The following AP3S2 variants were observed in gnomAD, a reference collection of about 807,000 sequenced individuals.
AP3S2 encodes adaptor related protein complex 3 subunit sigma 2.
Under a neutral mutation model 23.4 loss-of-function variants are expected in AP3S2, and 22 were observed. The observed-to-expected ratio is 0.94, with a 90% CI of 0.67 to 1.34. The LOEUF is 1.34. AP3S2 is among the 40% of genes most tolerant of loss of function. The probability of loss-of-function intolerance (pLI) is 0.00; values close to 1 mark genes in which losing one functional copy is unlikely to be tolerated. For synonymous variants in AP3S2, 86 were observed against 87.1 expected (o/e 0.99, Z 0.07); for missense variants, 241 against 236.9 (o/e 1.02, Z -0.11).
chr15:89,864,394 C>T (rs530840014), intron 4 of AP3S2, among the ~76,000 whole-genome samples: 1 of 152,230 alleles, frequency 6.6e-6, no homozygotes, highest in African/African-American at 2.4e-5. Context: ...GATTAAAAAT[C>T]CTTAGTAGGA....
intron 1 of AP3S2, 196 bp downstream of exon 1, chr15:89,893,685 G>C: frequency 1.8e-6 from 1 of 562,270 alleles, no homozygotes; most frequent in Non-Finnish European, 3.1e-6. Context: ...CAGCGAGAGC[G>C]GGGCAGTAGG....
At chr15:89,842,850 A>T (rs1895363934) in intron 4 of AP3S2, among the ~76,000 whole-genome samples, 1 of 152,172 alleles carries the variant, frequency 6.6e-6, no homozygotes, top group Non-Finnish European at 1.5e-5. Flanking sequence ...TGACCTTGTG[A>T]TCCGCCCACC....
chr15:89,888,565 C>G lies in AP3S2; in HGVS notation c.229G>C (p.Val77Leu). 6.2e-7 allele frequency: 1 copy of G among 1,614,170 alleles called. No homozygotes were observed. The highest frequency in any genetic ancestry group is 1.3e-5 in the African/African-American group (1 of 75,044). ...CCAAGTTCACTCTCTGAGGAATCCA[C>G]ACAAAATACAAAGTAGAGGGTAGCA... is the stretch of plus-strand genomic sequence containing the variant. The part of the protein sequence containing the change: ...HYATLYFVFC[V>L]DSSESELGIL... The change falls in exon 3 of 6, where the codon GTG becomes CTG. Residue 77 changes from valine to leucine, a missense_variant. By Grantham distance (32) the Val-to-Leu change is conservative (BLOSUM62 1). Coordinates refer to ENST00000336418, the MANE Select transcript of AP3S2 (RefSeq NM_005829.5).
chr15:89,844,909 C>A (rs911694080), intron 4 of AP3S2, among the ~76,000 whole-genome samples: 2 of 151,702 alleles, frequency 1.3e-5, no homozygotes, highest in Non-Finnish European at 2.9e-5. Context: ...GAGTAATTTT[C>A]TTTTCTTTTT....
intron 3 of AP3S2, 24 bp downstream of exon 3, chr15:89,888,497 C>T (rs1596224107): frequency 1.2e-6 from 2 of 1,607,158 alleles, no homozygotes; most frequent in African/African-American, 2.7e-5. Flanking sequence ...AAAGCTGCTG[C>T]CATCATTAGC....
chr15:89,844,380 C>G (rs2141842317), intron 4 of AP3S2, among the ~76,000 whole-genome samples: 1 of 151,622 alleles, frequency 6.6e-6, no homozygotes, highest in East Asian at 1.9e-4. Flanking sequence ...CTCTGTCACC[C>G]AGGCTGGAGT....
chr15:89,860,060 C>A (rs147537290), intron 4 of AP3S2, among the ~76,000 whole-genome samples: 1 of 152,162 alleles, frequency 6.6e-6, no homozygotes, highest in Non-Finnish European at 1.5e-5. Flanking sequence ...CCATCATGAC[C>A]AGCCGATCTC....
At chr15:89,845,944 T>C (rs1567174389) in intron 4 of AP3S2, among the ~76,000 whole-genome samples, 1 of 152,210 alleles carries the variant, frequency 6.6e-6, no homozygotes. Flanking sequence ...CTACTGATTT[T>C]TCAGTACTTG....
At chr15:89,839,790 C>T (rs1474704544) in intron 4 of AP3S2, among the ~76,000 whole-genome samples, 1 of 151,252 alleles carries the variant, frequency 6.6e-6, no homozygotes, top group African/African-American at 2.4e-5. Flanking sequence ...ACTGGATCAA[C>T]AAAATGTGCC....
At chr15:89,882,273 A>G (rs111319432) in intron 3 of AP3S2, among the ~76,000 whole-genome samples, 2 of 149,854 alleles carry the variant, frequency 1.3e-5, no homozygotes, top group East Asian at 1.9e-4. Context: ...TAAAAAAAGA[A>G]ACAAAGTATC....
intron 3 of AP3S2, among the ~76,000 whole-genome samples, chr15:89,875,340 A>G (rs751995319): frequency 7.2e-5 from 11 of 152,252 alleles, no homozygotes; most frequent in Non-Finnish European, 1.2e-4. Flanking sequence ...CCAGAAAAAG[A>G]CATCCCCAGA....
rs1243599096 is a variant in AP3S2, at chr15:89,837,724, T to A, written c.346-2A>T. 10 of 1,613,780 alleles carry A rather than the reference T, an allele frequency of 6.2e-6. No individual in the cohort carries two copies. Among genetic ancestry groups the A allele is most frequent in the Non-Finnish European group, 8.5e-6 (10 of 1,179,912 alleles). ...CACCTCCTGGAGGATGTAGTGCACC[T>A]AAAAGGGAAGCAAAAATCAGGAGTC... On this transcript the variant is annotated splice_acceptor_variant, in intron 4 of 5. Coordinates refer to ENST00000336418, the MANE Select transcript of AP3S2 (RefSeq NM_005829.5). LOFTEE classifies it high-confidence loss of function.
chr15:89,864,104 A>G (rs1278650231), intron 4 of AP3S2, among the ~76,000 whole-genome samples: 1 of 152,230 alleles, frequency 6.6e-6, no homozygotes, highest in Non-Finnish European at 1.5e-5. Context: ...ACAAAAATAC[A>G]TAGTTTCATA....
In AP3S2 at chr15:89,835,633, G is replaced by T; in HGVS notation, c.464C>A (p.Ser155Ter). ...NRLEKSEGGL[S>*]AAPARAVSAV... ...AGACACAGCCCGCGCAGGGGCTGCT[G>T]AAAGGCCACCCTAAGAAGAAATGAG... The change falls in exon 6 of 6, where the codon TCA becomes TAA. Residue 155 changes from serine to a stop codon, truncating the protein, a stop_gained. Transcript: ENST00000336418. LOFTEE classifies it high-confidence loss of function. 6.3e-7 allele frequency: 1 copy of T among 1,586,396 alleles called. No homozygotes were observed. Among genetic ancestry groups the T allele is most frequent in the South Asian group, 1.1e-5 (1 of 90,382 alleles).
chr15:89,880,188 A>G (rs557667842), intron 3 of AP3S2, among the ~76,000 whole-genome samples: 14 of 152,308 alleles, frequency 9.2e-5, no homozygotes, highest in African/African-American at 3.1e-4. Flanking sequence ...TAAGATTCAA[A>G]AGAAGAAATG....
chr15:89,849,651 G>C (rs143265035), intron 4 of AP3S2, among the ~76,000 whole-genome samples: 1 of 152,082 alleles, frequency 6.6e-6, no homozygotes, highest in East Asian at 1.9e-4. Flanking sequence ...ACAGGCATGA[G>C]CCACTGCGCC....
intron 3 of AP3S2, among the ~76,000 whole-genome samples, chr15:89,882,408 G>A (rs570259079): frequency 2.7e-5 from 4 of 150,638 alleles, no homozygotes; most frequent in Admixed American, 1.3e-4. Context: ...TTGTTGCCCG[G>A]GCCAGAGTAC....
chr15:89,855,786 G>A (rs1019977908), intron 4 of AP3S2, among the ~76,000 whole-genome samples: 2 of 145,484 alleles, frequency 1.4e-5, no homozygotes, highest in Admixed American at 6.8e-5. Flanking sequence ...GGAGGCAGAG[G>A]TTGTTGTGAG....
At chr15:89,873,531 T>C (rs1207725622) in intron 3 of AP3S2, among the ~76,000 whole-genome samples, 3 of 152,144 alleles carry the variant, frequency 2.0e-5, no homozygotes, top group Admixed American at 2.0e-4. Context: ...GTGATCCCCC[T>C]GTCTTGGCCT....
Sources: gnomAD v4.1 joint callset for allele counts (sites outside exome capture counted in the v4.1 genomes callset) on GRCh38, gnomAD v4.1.1 for gene constraint, MANE v1.5 for transcripts, NCBI Gene and HGNC (gene_info 2026-07-23, HGNC 2026-07-21) for gene names.